The following WDR44 variants were observed in gnomAD, a reference collection of about 807,000 sequenced individuals.
WDR44 encodes WD repeat-containing protein 44.
In WDR44, 9 loss-of-function variants were observed where a neutral mutation model predicts 65.7. The ratio of observed to expected loss-of-function variants is 0.14; its 90% CI spans 0.08 to 0.24. The LOEUF is 0.24. Ranked by LOEUF, WDR44 falls within the 10% of genes least tolerant of loss-of-function variation. The probability of loss-of-function intolerance (pLI) is 1.00; values close to 1 mark genes in which losing one functional copy is unlikely to be tolerated. For missense variants in WDR44, 425 were observed against 670.9 expected (o/e 0.63, Z 4.05); for synonymous variants, 220 against 235.2 (o/e 0.94, Z 0.59).
At chrX:118,360,324 A>G (rs2056500473) in intron 1 of WDR44, among the ~76,000 whole-genome samples, 1 of 112,448 alleles carries the variant, frequency 8.9e-6, no homozygotes, top group Non-Finnish European at 1.9e-5. Context: ...ACAAAGGAGA[A>G]CAGTCTCTTG....
chrX:118,416,133 C>A (rs2057055153), intron 12 of WDR44, among the ~76,000 whole-genome samples: 1 of 111,835 alleles, frequency 8.9e-6, no homozygotes, highest in African/African-American at 3.2e-5. Flanking sequence ...AAAGAACCAG[C>A]TTTGTGTTTC....
At chrX:118,352,318 T>TTATATATATATATATATATATATA (rs1234642278) in intron 1 of WDR44, among the ~76,000 whole-genome samples, 4 of 16,870 alleles carry the variant, frequency 2.4e-4, no homozygotes, top group Non-Finnish European at 3.8e-4. Flanking sequence ...CCCAGCTAAT[T>TTATATATATATATATATATATATA]TATATATATA....
At chrX:118,366,256 G>T (rs1289355091) in intron 1 of WDR44, among the ~76,000 whole-genome samples, 1 of 111,544 alleles carries the variant, frequency 9.0e-6, no homozygotes, top group East Asian at 2.8e-4. Context: ...TGTTGTGCTT[G>T]TTCTGAGTAT....
rs2057310817 is a variant in WDR44 at position 118,442,365 on chromosome X, C to T, written c.2268+20C>T. On this transcript the variant is annotated intron_variant, in intron 16 of 19. Transcript: ENST00000254029. The stretch of plus-strand genomic sequence containing the variant: ...AATAAGGTACTACAGTATTCAAAAC[C>T]ATCTCTCTCCATACTATATGTAGAT... The T allele has an allele frequency of 9.1e-7, 1 of 1,102,182 alleles. No homozygotes were observed. Among genetic ancestry groups the T allele is most frequent in the African/African-American group, 1.8e-5 (1 of 55,057 alleles). 90.8% of individuals were successfully genotyped at this position (1,102,182 alleles called of 1,213,427 possible).
intron 19 of WDR44, among the ~76,000 whole-genome samples, chrX:118,448,150 A>G (rs763700323): frequency 9.1e-6 from 1 of 110,100 alleles, no homozygotes; most frequent in South Asian, 3.8e-4. Flanking sequence ...TGTTTTTAGC[A>G]CATCTAAGTG....
At chrX:118,420,348 G>A (rs191695540) in intron 12 of WDR44, among the ~76,000 whole-genome samples, 1 of 110,735 alleles carries the variant, frequency 9.0e-6, no homozygotes, top group African/African-American at 3.3e-5. Context: ...CGCCTCCCGG[G>A]TTCAAGGGGT....
At chrX:118,366,954 C>T (rs975423146) in intron 1 of WDR44, among the ~76,000 whole-genome samples, 10 of 110,681 alleles carry the variant, frequency 9.0e-5, no homozygotes, top group Non-Finnish European at 1.3e-4. Context: ...GGCGCAGTGG[C>T]GGGCGCCCGT....
At chrX:118,346,698 C>T in intron 1 of WDR44, 118 bp downstream of exon 1, 1 of 578,864 alleles carries the variant, frequency 1.7e-6, no homozygotes, top group Non-Finnish European at 2.6e-6. Context: ...TCCTCCCCGT[C>T]TCACTGGAGG....
intron 6 of WDR44, 38 bp downstream of exon 6, chrX:118,395,382 A>G: frequency 9.2e-7 from 1 of 1,085,894 alleles, no homozygotes; most frequent in African/African-American, 1.8e-5. Flanking sequence ...CTTAAAACAT[A>G]AAGTACAAAA....
chrX:118,354,644 C>G (rs764624031), intron 1 of WDR44, among the ~76,000 whole-genome samples: 8 of 110,422 alleles, frequency 7.2e-5, no homozygotes, highest in African/African-American at 2.3e-4. Context: ...ACTTTAAGTT[C>G]TGGGGTACAT....
At chrX:118,411,354 G>C (rs992732076) in intron 12 of WDR44, among the ~76,000 whole-genome samples, 2 of 111,776 alleles carry the variant, frequency 1.8e-5, no homozygotes, top group Non-Finnish European at 3.8e-5. Flanking sequence ...CTTTATCACA[G>C]TTTCAGATAA....
At chrX:118,426,045 A>T (rs1246691639) in intron 12 of WDR44, among the ~76,000 whole-genome samples, 1 of 112,673 alleles carries the variant, frequency 8.9e-6, no homozygotes, top group East Asian at 2.8e-4. Flanking sequence ...GCTGCACTCC[A>T]GCCTGGGCAA....
At chrX:118,428,625 A>G (rs1471474740) in intron 12 of WDR44, among the ~76,000 whole-genome samples, 1 of 112,009 alleles carries the variant, frequency 8.9e-6, no homozygotes. Context: ...TAGTTCAACC[A>G]TTATGGAAGA....
chrX:118,407,515 A>AG (rs1181007450), intron 10 of WDR44, among the ~76,000 whole-genome samples: 4 of 110,593 alleles, frequency 3.6e-5, no homozygotes, highest in African/African-American at 1.3e-4. Context: ...AAAAAAAAAA[A>AG]AAAGAAAGAA....
intron 8 of WDR44, among the ~76,000 whole-genome samples, chrX:118,402,005 T>C (rs1489879417): frequency 1.9e-5 from 2 of 106,282 alleles, no homozygotes; most frequent in Non-Finnish European, 3.9e-5. Context: ...TGTTTTTTGT[T>C]TTTTTTGTTT....
intron 2 of WDR44, among the ~76,000 whole-genome samples, chrX:118,383,771 C>G (rs2056740630): frequency 9.9e-6 from 1 of 101,310 alleles, no homozygotes; most frequent in African/African-American, 3.6e-5. Context: ...CAGGCTGGAC[C>G]AAGTATTCTC....
At chrX:118,400,369 C>G (rs2056901319) in intron 8 of WDR44, among the ~76,000 whole-genome samples, 1 of 111,350 alleles carries the variant, frequency 9.0e-6, no homozygotes, top group Admixed American at 9.5e-5. Flanking sequence ...TGGTAACGAT[C>G]TTATCCATCA....
intron 1 of WDR44, among the ~76,000 whole-genome samples, chrX:118,370,872 G>A (rs1227368774): frequency 2.8e-5 from 3 of 108,922 alleles, no homozygotes; most frequent in Non-Finnish European, 5.7e-5. Context: ...ATGAGCCACC[G>A]TGCCCAGCCT....
chrX:118,348,381 A>T (rs1449672325), intron 1 of WDR44, among the ~76,000 whole-genome samples: 1 of 112,147 alleles, frequency 8.9e-6, no homozygotes, highest in African/African-American at 3.2e-5. Flanking sequence ...CCCTCATGAG[A>T]TAATACAGCT....
Sources: allele counts gnomAD v4.1 joint callset (sites outside exome capture counted in the v4.1 genomes callset), GRCh38; gene constraint gnomAD v4.1.1; transcripts MANE v1.5; gene names NCBI Gene and HGNC (gene_info 2026-07-23, HGNC 2026-07-21).